The following KCNH1 variants were observed in gnomAD, a reference collection of about 807,000 sequenced individuals.
KCNH1 encodes potassium voltage-gated channel subfamily H member 1.
KCNH1 carries 27 observed loss-of-function variants against 69.2 expected under a neutral mutation model. That is an observed-to-expected ratio of 0.39 (90% CI 0.29 to 0.54). KCNH1 has a LOEUF of 0.54. Among genes scored for constraint, KCNH1 ranks in the 20% least tolerant of loss-of-function variants. The probability of loss-of-function intolerance (pLI) is 0.68; values close to 1 mark genes in which losing one functional copy is unlikely to be tolerated. For missense variants in KCNH1, 798 were observed against 1,261.6 expected, an observed-to-expected ratio of 0.63 and a Z score of 5.57; for synonymous variants, 456 against 487.7, an observed-to-expected ratio of 0.93 and a Z score of 0.86.
intron 6 of KCNH1, among the ~76,000 whole-genome samples, chr1:210,937,632 C>A (rs2102583874): frequency 6.6e-6 from 1 of 152,318 alleles, no homozygotes; most frequent in African/African-American, 2.4e-5. Flanking sequence ...TGTCCAGTAG[C>A]AGCAGCAGTG....
At chr1:211,087,474 T>C (rs978976930) in intron 4 of KCNH1, among the ~76,000 whole-genome samples, 3 of 151,792 alleles carry the variant, frequency 2.0e-5, no homozygotes, top group African/African-American at 7.3e-5. Flanking sequence ...CAGAAACATA[T>C]CCCACAGCCT....
chr1:210,755,490 C>T lies in KCNH1; in HGVS notation c.2112+19858G>A, dbSNP rs565410646. On this transcript the variant is annotated intron_variant, in intron 10 of 10. Coordinates refer to ENST00000271751, the MANE Select transcript of KCNH1 (RefSeq NM_172362.3). ...GCATAATAGCGAAACAAAGCCACTC[C>T]GCGGCTACATTCATCCAGCCATGAG... Among the ~76,000 whole-genome samples, 8 of 152,298 alleles carry T rather than the reference C, an allele frequency of 5.3e-5. No homozygotes were observed. The South Asian group carries it at 1.0e-3, about 20-fold the overall frequency.
At chr1:211,095,393 T>C (rs1691130633) in intron 3 of KCNH1, among the ~76,000 whole-genome samples, 1 of 152,204 alleles carries the variant, frequency 6.6e-6, no homozygotes, top group Admixed American at 6.5e-5. Flanking sequence ...TTTTCCAGGA[T>C]GAGGATGTCC....
chr1:211,009,073 C>A lies in KCNH1; in HGVS notation c.1032+9710G>T, dbSNP rs114849128. Among the ~76,000 whole-genome samples, 1,197 of 152,242 alleles carry A rather than the reference C, an allele frequency of 7.9e-3. 18 individuals carry two copies. Among genetic ancestry groups the A allele is most frequent in the African/African-American group, 0.027 (1,113 of 41,540 alleles). On this transcript the variant is annotated intron_variant, in intron 6 of 10. Transcript: ENST00000271751. Reference sequence around the variant, plus strand: ...CCCCAAGGCCAGCAAGAGGCCATGGCACCTGAAACAGAATAAGGCAGCCAA... The same window carrying A: ...CCCCAAGGCCAGCAAGAGGCCATGGAACCTGAAACAGAATAAGGCAGCCAA...
intron 5 of KCNH1, among the ~76,000 whole-genome samples, chr1:211,037,653 C>T (rs1475466990): frequency 6.6e-6 from 1 of 152,062 alleles, no homozygotes; most frequent in East Asian, 1.9e-4. Flanking sequence ...CAGGACTTCC[C>T]AATTAAATCC....
chr1:210,890,640 A>G (rs1362189991), intron 7 of KCNH1, among the ~76,000 whole-genome samples: 2 of 152,188 alleles, frequency 1.3e-5, no homozygotes, highest in East Asian at 1.9e-4. Flanking sequence ...TCTGCAATCT[A>G]TCCATCTGAC....
In KCNH1 at chr1:210,683,849, T is replaced by A. The variant is rs1681337875; in HGVS notation, c.2402A>T (p.Gln801Leu). ...RESPATPVSF[Q>L]AASTSGVPDH... Reference sequence around the variant, plus strand: ...TGGCACCCCGGAGGTGGAGGCTGCCTGGAAGGATACGGGCGTGGCAGGACT... The same window carrying A: ...TGGCACCCCGGAGGTGGAGGCTGCCAGGAAGGATACGGGCGTGGCAGGACT... The change falls in exon 11 of 11, where the codon CAG (glutamine) becomes CTG (leucine). Residue 801 changes from glutamine to leucine, a missense_variant. Coordinates refer to ENST00000271751, the MANE Select transcript of KCNH1 (RefSeq NM_172362.3). The surrounding 1 kb of genome is among the most constrained non-coding windows in gnomAD (Gnocchi z 5.7). 1.2e-6 allele frequency: 2 copies of A among 1,613,974 alleles called. No homozygotes were observed. The highest frequency in any genetic ancestry group is 1.7e-5 in the Admixed American group (1 of 60,008).
chr1:210,730,182 A>G (rs904373548), intron 10 of KCNH1, among the ~76,000 whole-genome samples: 8 of 152,170 alleles, frequency 5.3e-5, no homozygotes, highest in African/African-American at 1.9e-4. Context: ...TAAATGCTAT[A>G]TAAGTGTTTG....
chr1:211,052,292 C>T (rs557287812), intron 5 of KCNH1, among the ~76,000 whole-genome samples: 1 of 152,240 alleles, frequency 6.6e-6, no homozygotes, highest in East Asian at 1.9e-4. Flanking sequence ...TGCACTGGTT[C>T]GGCCACTACC....
intron 10 of KCNH1, among the ~76,000 whole-genome samples, chr1:210,718,629 A>AAT (rs1171400507): frequency 1.2e-4 from 14 of 114,504 alleles, no homozygotes; most frequent in South Asian, 2.5e-4. Flanking sequence ...TGTGTGTATA[A>AAT]ATATATATAT....
chr1:211,021,123 G>A (rs1295121776), intron 5 of KCNH1, among the ~76,000 whole-genome samples: 1 of 152,084 alleles, frequency 6.6e-6, no homozygotes. Flanking sequence ...AAAGGCATAA[G>A]AATGACACAA....
At position 210,996,423 on chromosome 1, in the gene KCNH1, G is replaced by A. The variant is rs184988974; in HGVS notation, c.1032+22360C>T. 8.1e-3 allele frequency among the ~76,000 whole-genome samples: 1,241 copies of A among 152,320 alleles called. 15 individuals are homozygous for A. Among genetic ancestry groups the A allele is most frequent in the African/African-American group, 0.029 (1,189 of 41,572 alleles). Reference sequence around the variant, plus strand: ...TCTGAGATCAAACTGCAAGGTGGCAGCGAGGCTGGGGGAGGGGCGCCTGCC... The same window carrying A: ...TCTGAGATCAAACTGCAAGGTGGCAACGAGGCTGGGGGAGGGGCGCCTGCC... On this transcript the variant is annotated intron_variant, in intron 6 of 10. Coordinates refer to ENST00000271751, the MANE Select transcript of KCNH1 (RefSeq NM_172362.3).
At chr1:210,867,298 C>T (rs1686133227) in intron 7 of KCNH1, among the ~76,000 whole-genome samples, 1 of 151,042 alleles carries the variant, frequency 6.6e-6, no homozygotes, top group African/African-American at 2.4e-5. Flanking sequence ...TATATCCACA[C>T]ACACCTACAC....
intron 10 of KCNH1, among the ~76,000 whole-genome samples, chr1:210,708,216 C>A (rs751697445): frequency 7.6e-4 from 110 of 144,662 alleles, no homozygotes; most frequent in Non-Finnish European, 9.6e-4. Context: ...CTCTTCCCTT[C>A]CCCCACTCCC....
At chr1:210,791,651 T>C (rs1484670924) in intron 9 of KCNH1, among the ~76,000 whole-genome samples, 1 of 152,140 alleles carries the variant, frequency 6.6e-6, no homozygotes, top group Non-Finnish European at 1.5e-5. Flanking sequence ...CTCCAAGAAG[T>C]CTATAGAAAA....
intron 7 of KCNH1, among the ~76,000 whole-genome samples, chr1:210,828,184 C>T (rs1685073756): frequency 1.3e-5 from 2 of 152,072 alleles, no homozygotes; most frequent in Non-Finnish European, 2.9e-5. Context: ...TAACACCTGT[C>T]TCAATGGGTT....
At chr1:210,986,723 C>T (rs1437388385) in intron 6 of KCNH1, among the ~76,000 whole-genome samples, 2 of 152,188 alleles carry the variant, frequency 1.3e-5, no homozygotes, top group East Asian at 3.8e-4. Context: ...AACATCTTTT[C>T]CTTCATTTCA....
chr1:210,990,911 C>A lies in KCNH1; in HGVS notation c.1032+27872G>T, dbSNP rs138302826. On this transcript the variant is annotated intron_variant, in intron 6 of 10. Coordinates refer to ENST00000271751, the MANE Select transcript of KCNH1 (RefSeq NM_172362.3). ...TATAATACAGAGTTTACCTAGAACC[C>A]CACAATAAAATGGACAATCCATGTT... Among the ~76,000 whole-genome samples the A allele has an allele frequency of 3.2e-3, 487 of 152,138 alleles. 1 individual carries two copies. Among genetic ancestry groups the A allele is most frequent in the African/African-American group, 0.011 (461 of 41,510 alleles).
chr1:211,028,993 A>G (rs1453554942), intron 5 of KCNH1, among the ~76,000 whole-genome samples: 1 of 151,982 alleles, frequency 6.6e-6, no homozygotes, highest in Non-Finnish European at 1.5e-5. Context: ...ATAAATATAG[A>G]TGCAAATATC....
Sources: allele counts gnomAD v4.1 joint callset (sites outside exome capture counted in the v4.1 genomes callset), GRCh38; gene constraint gnomAD v4.1.1; non-coding constraint Gnocchi (gnomAD v3.1); transcripts MANE v1.5; gene names NCBI Gene and HGNC (gene_info 2026-07-23, HGNC 2026-07-21).